Variants in PINX1 observed in about 807,000 individuals in gnomAD.
PINX1 encodes the protein PIN2 (TERF1) interacting telomerase inhibitor 1, also known as PIN2/TERF1-interacting telomerase inhibitor 1.
PINX1 carries 34 observed loss-of-function variants against 25.4 expected under a neutral mutation model. That is an observed-to-expected ratio of 1.34 (90% CI 1.02 to 1.78). The LOEUF (loss-of-function observed/expected upper bound fraction) is 1.78. Ranked by LOEUF, PINX1 falls within the 40% of genes most tolerant of loss-of-function variation. PINX1 has a pLI of 0.00. For synonymous variants in PINX1, 197 were observed against 147.7 expected (o/e 1.33, Z -2.42); for missense variants, 592 against 404.9 (o/e 1.46, Z -3.97).
At chr8:10,772,047 G>A (rs1801242513) in intron 6 of PINX1, among the ~76,000 whole-genome samples, 1 of 152,216 alleles carries the variant, frequency 6.6e-6, no homozygotes, top group African/African-American at 2.4e-5. Flanking sequence ...GGTACTGTGT[G>A]GTATGGGAAC....
chr8:10,809,431 A>T (rs975075092), intron 6 of PINX1, among the ~76,000 whole-genome samples: 2 of 152,220 alleles, frequency 1.3e-5, no homozygotes, highest in African/African-American at 2.4e-5. Context: ...TCTTCCTTTT[A>T]TCAAAAGCTG....
chr8:10,821,803 A>C (rs938617744), intron 5 of PINX1: 47 of 152,220 alleles, frequency 3.1e-4, no homozygotes, highest in African/African-American at 1.1e-3. Context: ...GAATAGAGAC[A>C]CTCTAGAAAA....
intron 6 of PINX1, among the ~76,000 whole-genome samples, chr8:10,803,357 A>C (rs1174860230): frequency 2.0e-5 from 3 of 152,192 alleles, no homozygotes; most frequent in Admixed American, 6.5e-5. Context: ...AATGCGATCT[A>C]TCATCAGTTT....
chr8:10,779,262 G>A (rs1031751056), intron 6 of PINX1, among the ~76,000 whole-genome samples: 15 of 152,168 alleles, frequency 9.9e-5, no homozygotes, highest in African/African-American at 3.6e-4. Flanking sequence ...CTTAAAGGCC[G>A]TGCAAAGTTC....
intron 6 of PINX1, among the ~76,000 whole-genome samples, chr8:10,779,449 G>A (rs575844165): frequency 2.0e-5 from 3 of 151,476 alleles, no homozygotes; most frequent in Non-Finnish European, 4.4e-5. Flanking sequence ...AATTCCAGAT[G>A]ACTGAAAACA....
intron 5 of PINX1, among the ~76,000 whole-genome samples, chr8:10,822,802 G>C (rs915189549): frequency 6.6e-6 from 1 of 152,170 alleles, no homozygotes; most frequent in African/African-American, 2.4e-5. Flanking sequence ...TGGAAAAGCA[G>C]AGTTGAGCTG....
intron 6 of PINX1, among the ~76,000 whole-genome samples, chr8:10,815,371 A>G (rs1797666821): frequency 6.6e-6 from 1 of 152,166 alleles, no homozygotes; most frequent in South Asian, 2.1e-4. Context: ...ATTTTCTTTT[A>G]ATTTCTATAC....
intron 6 of PINX1, among the ~76,000 whole-genome samples, chr8:10,804,054 T>C (rs1802356711): frequency 1.3e-5 from 2 of 152,216 alleles, no homozygotes; most frequent in Non-Finnish European, 1.5e-5. Context: ...CTAACGACCC[T>C]GAGCCAGGGC....
rs1802444146 is a variant in PINX1, at chr8:10,806,132, CTGAGGGGGTGA to C, written c.471+14050_471+14060del. On this transcript the variant is annotated intron_variant, in intron 6 of 6. Coordinates refer to ENST00000314787, the MANE Select transcript of PINX1 (RefSeq NM_017884.6). ...AGCACAGGAAGGGGCCACACTAGTG[CTGAGGGGGTGA>C]CGGAGCACAGGAAGGGGCCACACTA... Among the ~76,000 whole-genome samples the C allele has an allele frequency of 2.5e-5, 3 of 120,364 alleles. 1 individual carries two copies. The highest frequency in any genetic ancestry group is 1.1e-4 in the African/African-American group (3 of 27,268). 79.0% of individuals were successfully genotyped at this position (120,364 alleles called of 152,430 possible). A position where few individuals can be genotyped will look rare whatever the true frequency, so the allele number is the denominator to read the frequency against.
chr8:10,771,204 G>C (rs146909145), intron 6 of PINX1: 1 of 152,322 alleles, frequency 6.6e-6, no homozygotes, highest in East Asian at 1.9e-4. Context: ...GGTATGAAGT[G>C]ACTGTGTGTG....
intron 6 of PINX1, among the ~76,000 whole-genome samples, chr8:10,789,782 G>C (rs1280949220): frequency 6.6e-6 from 1 of 152,014 alleles, no homozygotes; most frequent in Non-Finnish European, 1.5e-5. Context: ...ACACCACTGA[G>C]ACCACACACA....
chr8:10,774,129 G>A (rs73662623), intron 6 of PINX1, among the ~76,000 whole-genome samples: 1,880 of 152,298 alleles, frequency 0.012, 51 homozygotes, highest in African/African-American at 0.042. Flanking sequence ...AGCTTCCAGA[G>A]GGTTCTGTCT....
chr8:10,820,866 T>C (rs924034713), intron 5 of PINX1, among the ~76,000 whole-genome samples: 1 of 152,240 alleles, frequency 6.6e-6, no homozygotes, highest in Admixed American at 6.5e-5. Flanking sequence ...AAATGTTCTT[T>C]ACTGCTCTAG....
chr8:10,794,635 C>G (rs1563214688), intron 6 of PINX1, among the ~76,000 whole-genome samples: 1 of 152,080 alleles, frequency 6.6e-6, no homozygotes, highest in Non-Finnish European at 1.5e-5. Flanking sequence ...CCATGTTGAC[C>G]AGGCTGATCT....
At chr8:10,770,749 C>T (rs978584216) in intron 6 of PINX1, among the ~76,000 whole-genome samples, 1 of 152,200 alleles carries the variant, frequency 6.6e-6, no homozygotes, top group African/African-American at 2.4e-5. Context: ...ATGCACCTTA[C>T]TACAGAATCC....
chr8:10,819,339 C>T (rs1233417713), intron 6 of PINX1, among the ~76,000 whole-genome samples: 1 of 151,470 alleles, frequency 6.6e-6, no homozygotes, highest in African/African-American at 2.5e-5. Context: ...TAAACCAAGT[C>T]TTCTTTTTTG....
intron 6 of PINX1, among the ~76,000 whole-genome samples, chr8:10,818,113 G>T (rs2052963): frequency 0.23 from 34,573 of 151,956 alleles, 4,113 homozygotes; most frequent in East Asian, 0.31. Context: ...GGGCCTGGTA[G>T]AAGACCACCT....
intron 6 of PINX1, among the ~76,000 whole-genome samples, chr8:10,789,121 C>G (rs1563210983): frequency 6.6e-6 from 1 of 152,192 alleles, no homozygotes; most frequent in Non-Finnish European, 1.5e-5. Context: ...GAGCAGGCAT[C>G]TCATAGGCAG....
intron 6 of PINX1, among the ~76,000 whole-genome samples, chr8:10,767,018 T>C (rs181999838): frequency 6.6e-6 from 1 of 152,194 alleles, no homozygotes; most frequent in Admixed American, 6.5e-5. Flanking sequence ...TGGAAATAAG[T>C]CATTAAGCAA....
Sources: gnomAD v4.1 joint callset for allele counts (sites outside exome capture counted in the v4.1 genomes callset) on GRCh38, gnomAD v4.1.1 for gene constraint, MANE v1.5 for transcripts, NCBI Gene and HGNC (gene_info 2026-07-23, HGNC 2026-07-21) for gene names.